The following LRP5 variants were observed in gnomAD, a reference collection of about 807,000 sequenced individuals.
LRP5 encodes low-density lipoprotein receptor-related protein 5.
In LRP5, 62 loss-of-function variants were observed where a neutral mutation model predicts 154.1. The observed-to-expected ratio is 0.40, with a 90% CI of 0.33 to 0.50. LRP5 has a LOEUF of 0.50. LRP5 is among the 20% of genes least tolerant of loss of function. The pLI is 0.55. For synonymous variants in LRP5, 966 were observed against 1,011.5 expected (o/e 0.96, Z 0.85); for missense variants, 1,915 against 2,336.7 (o/e 0.82, Z 3.72).
In LRP5 at chr11:68,426,103, G is replaced by C. The variant is rs375557997; in HGVS notation, c.3553G>C (p.Gly1185Arg). 6.2e-7 allele frequency: 1 copy of C among 1,613,384 alleles called. No individual in the cohort carries two copies. The highest frequency in any genetic ancestry group is 8.5e-7 in the Non-Finnish European group (1 of 1,180,032). ...QMIERVEKTT[G>R]DKRTRIQGRV... ...GATCGAGCGTGTGGAGAAGACCACCGGGGACAAGCGGACTCGCATCCAGGG... is the reference window on the plus strand; with the variant it reads ...GATCGAGCGTGTGGAGAAGACCACCCGGGACAAGCGGACTCGCATCCAGGG... Residue 1185 changes from glycine to arginine, a missense_variant, in exon 16 of 23, where the codon GGG becomes CGG. This residue lies in a region of LRP5 where 1,094 missense variants were observed against 1,210.1 expected (regional missense o/e 0.90). Transcript: ENST00000294304.
chr11:68,427,561 T>C (rs1003727188), intron 16 of LRP5, among the ~76,000 whole-genome samples: 1 of 152,108 alleles, frequency 6.6e-6, no homozygotes, highest in African/African-American at 2.4e-5. Flanking sequence ...GCGCCTGTAT[T>C]CCCAGCTACT....
At chr11:68,352,402 T>C (rs1398767384) in intron 2 of LRP5, among the ~76,000 whole-genome samples, 1 of 152,250 alleles carries the variant, frequency 6.6e-6, no homozygotes, top group Admixed American at 6.5e-5. Context: ...GTTCAACAAA[T>C]GTTAGCTGTC....
chr11:68,439,827 C>T lies in LRP5; in HGVS notation c.4399C>T (p.Arg1467Trp), dbSNP rs368049854. The stretch of plus-strand genomic sequence containing the variant: ...GAGCTCCGTGAGCCTGATGGGGGGC[C>T]GGGGCGGGGTGCCCCTCTACGACCG... The part of the protein sequence containing the change: ...MMSSVSLMGG[R>W]GGVPLYDRNH... The change falls in exon 21 of 23, where the codon CGG becomes TGG. Residue 1467 changes from arginine (R) to tryptophan (W), a missense_variant. By Grantham distance (101) the Arg-to-Trp change is moderately radical. Coordinates refer to ENST00000294304, the MANE Select transcript of LRP5 (RefSeq NM_002335.4). 2.0e-5 allele frequency: 32 copies of T among 1,610,246 alleles called. No homozygotes were observed. The highest frequency in any genetic ancestry group is 2.3e-5 in the Non-Finnish European group (27 of 1,178,976).
intron 7 of LRP5, among the ~76,000 whole-genome samples, chr11:68,400,616 T>C (rs547511997): frequency 6.6e-6 from 1 of 152,170 alleles, no homozygotes; most frequent in Admixed American, 6.5e-5. Context: ...GGCGCCTGCC[T>C]ATAATCCCAG....
At chr11:68,356,541 C>A (rs959436726) in intron 2 of LRP5, among the ~76,000 whole-genome samples, 1 of 152,252 alleles carries the variant, frequency 6.6e-6, no homozygotes, top group Non-Finnish European at 1.5e-5. Flanking sequence ...CCTGTCCTCA[C>A]ACCCACACAG....
At chr11:68,389,849 C>T (rs201167265) in intron 6 of LRP5, 32 bp from the exon 7 acceptor site, 2 of 1,613,670 alleles carry the variant, frequency 1.2e-6, no homozygotes, top group African/African-American at 2.7e-5. Context: ...CAGACAGACT[C>T]ATGGGGTCAT....
intron 3 of LRP5, among the ~76,000 whole-genome samples, chr11:68,362,550 G>A (rs1770733303): frequency 6.6e-6 from 1 of 152,084 alleles, no homozygotes; most frequent in Non-Finnish European, 1.5e-5. Context: ...AATTAGCTGG[G>A]TGTGGTGGTG....
At chr11:68,388,912 T>C (rs1158093191) in intron 6 of LRP5, among the ~76,000 whole-genome samples, 1 of 152,232 alleles carries the variant, frequency 6.6e-6, no homozygotes, top group East Asian at 1.9e-4. Flanking sequence ...CAGCACTTAC[T>C]GACACCAGCA....
chr11:68,425,371 G>C, intron 15 of LRP5, 79 bp downstream of exon 15: 1 of 1,444,138 alleles, frequency 6.9e-7, no homozygotes, highest in East Asian at 2.5e-5. Context: ...CACATTGTCC[G>C]AGACCTGCCG....
chr11:68,369,646 C>T (rs956690209), intron 5 of LRP5, among the ~76,000 whole-genome samples: 3 of 152,114 alleles, frequency 2.0e-5, no homozygotes, highest in Non-Finnish European at 4.4e-5. Context: ...TAGTCGTGCG[C>T]CTGTAATCCC....
chr11:68,403,406 G>C (rs564872158), intron 7 of LRP5, 77 bp from the exon 8 acceptor site: 47 of 1,321,438 alleles, frequency 3.6e-5, no homozygotes, highest in Non-Finnish European at 4.9e-5. Context: ...GGCAGCTCAG[G>C]CCCCAGGCAG....
chr11:68,413,328 C>A lies in LRP5; in HGVS notation c.2504-361C>A. 2.4e-6 allele frequency: 1 copy of A among 415,886 alleles called. No individual in the cohort carries two copies. Among genetic ancestry groups the A allele is most frequent in the Non-Finnish European group, 4.5e-6 (1 of 222,644 alleles). 25.8% of individuals were successfully genotyped at this position (415,886 alleles called of 1,614,324 possible). A position where few individuals can be genotyped will look rare whatever the true frequency, so the allele number is the denominator to read the frequency against. On this transcript the variant is annotated intron_variant, in intron 11 of 22. Coordinates refer to ENST00000294304, the MANE Select transcript of LRP5 (RefSeq NM_002335.4). This position sits in a 1 kb window ranked among gnomAD's most constrained non-coding sequence, Gnocchi z 5.1. ...GGTACGTGTTTTGGACTTAAACGCT[C>A]CGGATGTTTACTGAGTGCTTGATTA... is the stretch of plus-strand genomic sequence containing the variant.
intron 21 of LRP5, among the ~76,000 whole-genome samples, chr11:68,443,898 A>C (rs2098680013): frequency 6.6e-6 from 1 of 151,592 alleles, no homozygotes; most frequent in African/African-American, 2.4e-5. Flanking sequence ...ACCTCAGGTG[A>C]TCCACCCACC....
At chr11:68,372,967 C>T (rs1159757235) in intron 5 of LRP5, among the ~76,000 whole-genome samples, 1 of 151,992 alleles carries the variant, frequency 6.6e-6, no homozygotes, top group African/African-American at 2.4e-5. Context: ...CCAGAGTCCC[C>T]AGCCCCACCC....
intron 12 of LRP5, among the ~76,000 whole-genome samples, chr11:68,414,533 G>A (rs2098661435): frequency 6.6e-6 from 1 of 152,190 alleles, no homozygotes; most frequent in African/African-American, 2.4e-5. Context: ...TCAGCTCGGG[G>A]AATTTTTGCC....
intron 1 of LRP5, among the ~76,000 whole-genome samples, chr11:68,313,133 G>A (rs945075734): frequency 6.7e-6 from 1 of 150,032 alleles, no homozygotes; most frequent in Non-Finnish European, 1.5e-5. Flanking sequence ...CGCTGGGCCC[G>A]TGTGGCCCGG....
intron 1 of LRP5, among the ~76,000 whole-genome samples, chr11:68,328,422 G>A (rs908781036): frequency 1.3e-4 from 20 of 152,230 alleles, no homozygotes; most frequent in Non-Finnish European, 2.6e-4. Flanking sequence ...TTTTCTGCCA[G>A]TTCTAAAATG....
intron 7 of LRP5, 91 bp from the exon 8 acceptor site, chr11:68,403,392 T>C: frequency 8.9e-7 from 1 of 1,126,832 alleles, no homozygotes; most frequent in Non-Finnish European, 1.3e-6. Flanking sequence ...CCCGTCTTGT[T>C]TGGGGCAGCT....
At chr11:68,374,753 G>A (rs2098636396) in intron 5 of LRP5, among the ~76,000 whole-genome samples, 1 of 152,132 alleles carries the variant, frequency 6.6e-6, no homozygotes, top group Non-Finnish European at 1.5e-5. Context: ...AGAACTACAT[G>A]GAAATGGAAC....
Sources: allele counts gnomAD v4.1 joint callset (sites outside exome capture counted in the v4.1 genomes callset), GRCh38; gene constraint gnomAD v4.1.1; regional missense constraint gnomAD v4.1.1; non-coding constraint Gnocchi (gnomAD v3.1); transcripts MANE v1.5; gene names NCBI Gene and HGNC (gene_info 2026-07-23, HGNC 2026-07-21).